The following GRIN2B variants were observed in gnomAD, a reference collection of about 807,000 sequenced individuals.
The protein encoded by GRIN2B is glutamate receptor ionotropic, NMDA 2B.
In GRIN2B, 5 loss-of-function variants were observed where a neutral mutation model predicts 114.5. The ratio of observed to expected loss-of-function variants is 0.04; its 90% CI spans 0.02 to 0.09. GRIN2B has a LOEUF of 0.09. GRIN2B is among the 10% of genes least tolerant of loss of function. GRIN2B has a pLI of 1.00. For synonymous variants in GRIN2B, 787 were observed against 745.1 expected, an observed-to-expected ratio of 1.06 and a Z score of -0.92; for missense variants, 1,108 against 1,943.5, an observed-to-expected ratio of 0.57 and a Z score of 8.08.
intron 5 of GRIN2B, among the ~76,000 whole-genome samples, chr12:13,623,378 A>C (rs1271860506): frequency 6.6e-6 from 1 of 152,234 alleles, no homozygotes; most frequent in East Asian, 1.9e-4. Flanking sequence ...ATGGTGCCAG[A>C]ATACAACAGT....
intron 5 of GRIN2B, among the ~76,000 whole-genome samples, chr12:13,663,037 G>T: frequency 6.6e-6 from 1 of 152,118 alleles, no homozygotes; most frequent in East Asian, 1.9e-4. Flanking sequence ...TAGAGCTTCT[G>T]GTGTAGAAGC....
intron 4 of GRIN2B, among the ~76,000 whole-genome samples, chr12:13,709,449 C>T (rs1020834389): frequency 6.6e-6 from 1 of 151,770 alleles, no homozygotes. Flanking sequence ...AAGTTAAAAT[C>T]GAAAGCGTCA....
intron 3 of GRIN2B, among the ~76,000 whole-genome samples, chr12:13,825,496 T>TTTTTTTTTGTG (rs375940899): frequency 2.8e-3 from 346 of 122,966 alleles, no homozygotes; most frequent in African/African-American, 6.0e-3. Context: ...TATATATATT[T>TTTTTTTTTGTG]TGTGTGTGTG....
At chr12:13,756,738 G>T (rs1325906978) in intron 3 of GRIN2B, among the ~76,000 whole-genome samples, 1 of 152,188 alleles carries the variant, frequency 6.6e-6, no homozygotes, top group African/African-American at 2.4e-5. Flanking sequence ...TAGATGCAAA[G>T]TTCATGTGCT....
intron 4 of GRIN2B, among the ~76,000 whole-genome samples, chr12:13,684,212 T>G (rs1950157029): frequency 6.6e-6 from 1 of 152,136 alleles, no homozygotes; most frequent in Admixed American, 6.6e-5. Flanking sequence ...GATGTGCTCA[T>G]ACCTCCATAA....
At chr12:13,970,266 G>A (rs1341030908) in intron 2 of GRIN2B, among the ~76,000 whole-genome samples, 1 of 152,166 alleles carries the variant, frequency 6.6e-6, no homozygotes, top group Non-Finnish European at 1.5e-5. Flanking sequence ...TTGAAGAAAT[G>A]TCCATATCGA....
At chr12:13,975,990 A>G (rs147623988) in intron 2 of GRIN2B, among the ~76,000 whole-genome samples, 40 of 152,356 alleles carry the variant, frequency 2.6e-4, no homozygotes, top group African/African-American at 9.4e-4. Flanking sequence ...TCAAGAAAAC[A>G]ACTAAAGGTT....
At chr12:13,808,746 AAAAAAAATAT>A (rs1864664818) in intron 3 of GRIN2B, among the ~76,000 whole-genome samples, 2 of 40,414 alleles carry the variant, frequency 4.9e-5, no homozygotes, top group African/African-American at 1.7e-4. Context: ...AGTATAATAA[AAAAAAAATAT>A]ATATATATAT....
intron 2 of GRIN2B, among the ~76,000 whole-genome samples, chr12:13,951,577 C>G (rs896142886): frequency 6.6e-6 from 1 of 152,168 alleles, no homozygotes; most frequent in African/African-American, 2.4e-5. Flanking sequence ...GTTGGTAGAG[C>G]TGTATAATTG....
chr12:13,918,258 T>G (rs1464559512), intron 2 of GRIN2B, among the ~76,000 whole-genome samples: 1 of 152,220 alleles, frequency 6.6e-6, no homozygotes, highest in Non-Finnish European at 1.5e-5. Context: ...GAGTGAAAGT[T>G]AGCCAGACTT....
At chr12:13,801,026 T>C (rs536665376) in intron 3 of GRIN2B, among the ~76,000 whole-genome samples, 1 of 152,304 alleles carries the variant, frequency 6.6e-6, no homozygotes, top group East Asian at 1.9e-4. Flanking sequence ...CTTTCTTTTG[T>C]TTCTGGTTGA....
chr12:13,827,969 C>T (rs1323348451), intron 3 of GRIN2B, among the ~76,000 whole-genome samples: 1 of 152,236 alleles, frequency 6.6e-6, no homozygotes, highest in African/African-American at 2.4e-5. Flanking sequence ...CGTGAGCCAC[C>T]GCACCCAGCC....
At chr12:13,605,540 CTCTCTCTCTCTG>C in intron 10 of GRIN2B, among the ~76,000 whole-genome samples, 2 of 74,470 alleles carry the variant, frequency 2.7e-5, no homozygotes, top group Non-Finnish European at 5.4e-5. Flanking sequence ...CTCTCTCTCT[CTCTCTCTCTCTG>C]ACACACACAC....
At chr12:13,763,120 T>TA (rs372655612) in intron 3 of GRIN2B, among the ~76,000 whole-genome samples, 82 of 145,022 alleles carry the variant, frequency 5.7e-4, no homozygotes, top group South Asian at 8.7e-4. Context: ...AGAGACAGAT[T>TA]AAAAAAAAAA....
intron 10 of GRIN2B, among the ~76,000 whole-genome samples, chr12:13,594,185 A>G (rs973956810): frequency 6.6e-6 from 1 of 152,178 alleles, no homozygotes; most frequent in Admixed American, 6.5e-5. Flanking sequence ...TATATACCCA[A>G]AGGATTATAA....
At chr12:13,627,389 T>C (rs1949578684) in intron 5 of GRIN2B, among the ~76,000 whole-genome samples, 2 of 152,202 alleles carry the variant, frequency 1.3e-5, no homozygotes, top group Non-Finnish European at 2.9e-5. Context: ...TAAATGGCAA[T>C]ATAACTATCT....
intron 5 of GRIN2B, among the ~76,000 whole-genome samples, chr12:13,636,987 A>G (rs1030964099): frequency 2.6e-5 from 4 of 152,166 alleles, no homozygotes; most frequent in Admixed American, 2.6e-4. Flanking sequence ...TGTGAAACAG[A>G]CTCACAGAGA....
intron 4 of GRIN2B, chr12:13,683,521 GTGTT>G (rs1950149869): frequency 6.6e-6 from 1 of 152,554 alleles, no homozygotes; most frequent in South Asian, 2.1e-4. Context: ...TAGGATTGTT[GTGTT>G]TCGATATATA....
At chr12:13,848,541 A>G (rs1865505636) in intron 3 of GRIN2B, among the ~76,000 whole-genome samples, 1 of 152,176 alleles carries the variant, frequency 6.6e-6, no homozygotes, top group South Asian at 2.1e-4. Context: ...AAAATGGTTA[A>G]AAGTAGATTC....
Sources: gnomAD v4.1 joint callset for allele counts (sites outside exome capture counted in the v4.1 genomes callset) on GRCh38, gnomAD v4.1.1 for gene constraint, MANE v1.5 for transcripts, NCBI Gene and HGNC (gene_info 2026-07-23, HGNC 2026-07-21) for gene names.